The following TRNAU1AP variants were observed in gnomAD, a reference collection of about 807,000 sequenced individuals.
TRNAU1AP encodes tRNA selenocysteine 1-associated protein 1.
Under a neutral mutation model 43.3 loss-of-function variants are expected in TRNAU1AP, and 33 were observed. The ratio of observed to expected loss-of-function variants is 0.76; its 90% CI spans 0.58 to 1.02. TRNAU1AP has a LOEUF of 1.02. Among genes scored for constraint, TRNAU1AP ranks in the 50% least tolerant of loss-of-function variants. The pLI is 0.00. For synonymous variants in TRNAU1AP, 143 were observed against 129.1 expected, an observed-to-expected ratio of 1.11 and a Z score of -0.73; for missense variants, 290 against 362.7, an observed-to-expected ratio of 0.80 and a Z score of 1.63.
At chr1:28,560,434 G>A (rs867771232) in intron 2 of TRNAU1AP, among the ~76,000 whole-genome samples, 199 bp from the exon 3 acceptor site, 17 of 152,004 alleles carry the variant, frequency 1.1e-4, no homozygotes, top group Admixed American at 2.0e-4. Context: ...GGTGTGCGCC[G>A]CCATGCCCAG....
chr1:28,577,735 TTAA>T lies in TRNAU1AP; in HGVS notation c.*104_*106del, dbSNP rs1278701935. ...TTTTGGAAATATGATTTGTAAGATT[TTAA>T]TAATGACTGTTTTTGGAGATCATGA... On this transcript the variant is annotated 3_prime_UTR_variant, in exon 9 of 9. Transcript: ENST00000373830. The T allele has an allele frequency of 2.7e-5, 35 of 1,306,072 alleles. No individual in the cohort carries two copies. Among genetic ancestry groups the T allele is most frequent in the Middle Eastern group, 1.9e-4 (1 of 5,192 alleles). The allele number at this position is 1,306,072 out of a possible 1,614,324, so 80.9% of individuals were successfully genotyped here. A position where few individuals can be genotyped will look rare whatever the true frequency, so the allele number is the denominator to read the frequency against.
rs777363365 is a variant in TRNAU1AP at position 28,567,397 on chromosome 1, G to A, written c.514G>A (p.Val172Met). 10 of 1,608,982 alleles carry A rather than the reference G, an allele frequency of 6.2e-6. No homozygotes were observed. The highest frequency in any genetic ancestry group is 1.6e-4 in the Middle Eastern group (1 of 6,072). ...GLGSKPVRLS[V>M]AIPKASRVKP... ...GGGGTCTAAGCCTGTGCGGCTGAGCGTGGCAATCCCTAAAGCGTGAGTCCT... is the reference window on the plus strand; with the variant it reads ...GGGGTCTAAGCCTGTGCGGCTGAGCATGGCAATCCCTAAAGCGTGAGTCCT... The change falls in exon 6 of 9, where the codon GTG becomes ATG. Residue 172 changes from valine to methionine, a missense_variant. By Grantham distance (21) the Val-to-Met change is conservative. Coordinates refer to ENST00000373830, the MANE Select transcript of TRNAU1AP (RefSeq NM_017846.5).
At position 28,569,818 on chromosome 1, in the gene TRNAU1AP, C is replaced by T. The variant is rs1290533403; in HGVS notation, c.531-1358C>T. Among the ~76,000 whole-genome samples, 4 of 134,832 alleles carry T rather than the reference C, an allele frequency of 3.0e-5. No homozygotes were observed. In the East Asian group the frequency reaches 8.5e-4, roughly 28 times the overall value. The allele number at this position is 134,832 out of a possible 152,430, so 88.5% of individuals were successfully genotyped here. On this transcript the variant is annotated intron_variant, in intron 6 of 8. Transcript: ENST00000373830. Reference sequence around the variant, plus strand: ...TGGCTAACATGGTGAAACCCCGTCTCTACTAAAAATACCAAAAAAAAAAAA... The same window carrying T: ...TGGCTAACATGGTGAAACCCCGTCTTTACTAAAAATACCAAAAAAAAAAAA...
intron 8 of TRNAU1AP, among the ~76,000 whole-genome samples, chr1:28,577,106 G>A (rs2124223887): frequency 6.6e-6 from 1 of 152,224 alleles, no homozygotes; most frequent in South Asian, 2.1e-4. Context: ...ACAGGACTTG[G>A]CCTTTCAGCT....
intron 2 of TRNAU1AP, 144 bp from the exon 3 acceptor site, chr1:28,560,489 C>G (rs1401782836): frequency 1.6e-6 from 1 of 617,682 alleles, no homozygotes; most frequent in African/African-American, 1.9e-5. Flanking sequence ...AGCATGTTGT[C>G]CAGGCTGGTC....
At chr1:28,562,283 A>G (rs553017176) in intron 4 of TRNAU1AP, among the ~76,000 whole-genome samples, 6 of 152,242 alleles carry the variant, frequency 3.9e-5, no homozygotes, top group African/African-American at 9.6e-5. Context: ...AGTATTGTGT[A>G]TAATAGCTAA....
chr1:28,575,986 G>A (rs1472730387), intron 8 of TRNAU1AP, among the ~76,000 whole-genome samples: 2 of 142,686 alleles, frequency 1.4e-5, no homozygotes, highest in African/African-American at 2.6e-5. Context: ...TCAGCCTCCC[G>A]AGTAGCTGGG....
Position 28,561,406 on chromosome 1 carries a change from C to A in TRNAU1AP, c.278+8C>A, listed in dbSNP as rs760580348. ...GAAACAACCAGATAACAGGTAGGTA[C>A]AAAGTCATGTCTAGACAGACATAAG... On this transcript the variant is annotated splice_region_variant and intron_variant, in intron 4 of 8. Transcript: ENST00000373830. 22 of 1,613,868 alleles carry A rather than the reference C, an allele frequency of 1.4e-5. No homozygotes were observed. Among genetic ancestry groups the A allele is most frequent in the Non-Finnish European group, 1.9e-5 (22 of 1,179,940 alleles).
chr1:28,562,057 T>G (rs977938496), intron 4 of TRNAU1AP, among the ~76,000 whole-genome samples: 6 of 152,240 alleles, frequency 3.9e-5, no homozygotes, highest in African/African-American at 1.4e-4. Flanking sequence ...CACTCCAGCC[T>G]GGGCAACAGA....
chr1:28,556,973 G>C (rs865964953), intron 2 of TRNAU1AP, among the ~76,000 whole-genome samples: 1 of 129,084 alleles, frequency 7.7e-6, no homozygotes, highest in East Asian at 2.3e-4. Context: ...CACTGCGCCC[G>C]GCCTAATTTT....
At chr1:28,567,494 C>A in intron 6 of TRNAU1AP, 81 bp downstream of exon 6, 3 of 1,465,158 alleles carry the variant, frequency 2.0e-6, no homozygotes, top group African/African-American at 2.9e-5. Flanking sequence ...TCAGGGCATC[C>A]ATACGCTGGA....
In TRNAU1AP at chr1:28,567,357, G is replaced by T; in HGVS notation, c.474G>T (p.Gln158His). 3.1e-6 allele frequency: 5 copies of T among 1,614,022 alleles called. No individual in the cohort carries two copies. The highest frequency in any genetic ancestry group is 1.1e-5 in the South Asian group (1 of 91,050). ...AGAAGCGAGCCCTGACGGAGTGCCA[G>T]GGAGCAGTGGGACTGGGGTCTAAGC... ...LEQKRALTEC[Q>H]GAVGLGSKPV... Residue 158 changes from glutamine (Q) to histidine (H), a missense_variant, in exon 6 of 9, where the codon CAG (glutamine) becomes CAT (histidine). Transcript: ENST00000373830.
chr1:28,576,122 G>A lies in TRNAU1AP; in HGVS notation c.728-1378G>A, dbSNP rs1570261595. ...GATCTGCCCACCTCGGCCTCCCAAA[G>A]TGCTGGGTTTACAGGCATGAGCCAC... On this transcript the variant is annotated intron_variant, in intron 8 of 8. Transcript: ENST00000373830. Among the ~76,000 whole-genome samples, 13 of 150,604 alleles carry A rather than the reference G, an allele frequency of 8.6e-5. 2 individuals carry two copies. In the South Asian group the frequency reaches 2.7e-3, roughly 32 times the overall value.
chr1:28,562,814 C>A (rs1232720904), intron 4 of TRNAU1AP, among the ~76,000 whole-genome samples: 1 of 151,844 alleles, frequency 6.6e-6, no homozygotes, highest in Non-Finnish European at 1.5e-5. Context: ...ATCTCCTGAC[C>A]TCGTGATCTG....
intron 6 of TRNAU1AP, among the ~76,000 whole-genome samples, chr1:28,569,668 G>A (rs1413720243): frequency 2.7e-5 from 4 of 147,726 alleles, no homozygotes. Flanking sequence ...CTCCAGCCTG[G>A]GTGACAGTGT....
chr1:28,567,627 T>C (rs2124206110), intron 6 of TRNAU1AP, among the ~76,000 whole-genome samples: 1 of 152,252 alleles, frequency 6.6e-6, no homozygotes, highest in Middle Eastern at 3.4e-3. Context: ...GGATAGAGTA[T>C]GATTTGGAAA....
At chr1:28,560,296 T>TA (rs1553121922) in intron 2 of TRNAU1AP, among the ~76,000 whole-genome samples, 4 of 150,542 alleles carry the variant, frequency 2.7e-5, no homozygotes, top group South Asian at 2.1e-4. Flanking sequence ...TTTTTTTTTT[T>TA]AAAACAGTCT....
intron 6 of TRNAU1AP, among the ~76,000 whole-genome samples, chr1:28,570,171 C>T (rs1267469066): frequency 1.3e-5 from 2 of 152,080 alleles, no homozygotes; most frequent in South Asian, 2.1e-4. Flanking sequence ...ATTAGCTGGG[C>T]CTCCCAGGAT....
intron 2 of TRNAU1AP, among the ~76,000 whole-genome samples, chr1:28,558,680 T>G (rs1665334664): frequency 6.6e-6 from 1 of 151,072 alleles, no homozygotes; most frequent in South Asian, 2.1e-4. Context: ...TTCTCCTGCC[T>G]CAGCCTCCCT....
Sources: allele counts gnomAD v4.1 joint callset (sites outside exome capture counted in the v4.1 genomes callset), GRCh38; gene constraint gnomAD v4.1.1; transcripts MANE v1.5; gene names NCBI Gene and HGNC (gene_info 2026-07-23, HGNC 2026-07-21).